The following SYNE3 variants were observed in gnomAD, a reference collection of about 807,000 sequenced individuals.
SYNE3 encodes spectrin repeat containing nuclear envelope family member 3.
SYNE3 carries 100 observed loss-of-function variants against 111.2 expected under a neutral mutation model. The observed-to-expected ratio is 0.90, with a 90% CI of 0.77 to 1.06. The LOEUF (loss-of-function observed/expected upper bound fraction) is 1.06. SYNE3 is among the 50% of genes least tolerant of loss of function. The pLI, the probability that SYNE3 is intolerant of heterozygous loss-of-function variation, is 0.00. For synonymous variants in SYNE3, 547 were observed against 533.9 expected (o/e 1.02, Z -0.34); for missense variants, 1,160 against 1,240.3 (o/e 0.94, Z 0.97).
chr14:95,455,820 C>G, intron 5 of SYNE3, 96 bp from the exon 6 acceptor site: 2 of 1,276,096 alleles, frequency 1.6e-6, no homozygotes, highest in Non-Finnish European at 2.2e-6. Flanking sequence ...CTGCAAAACA[C>G]TGATTCCTGG....
At chr14:95,491,761 A>G (rs1889861472) in intron 1 of SYNE3, among the ~76,000 whole-genome samples, 1 of 140,110 alleles carries the variant, frequency 7.1e-6, no homozygotes, top group Non-Finnish European at 1.5e-5. Flanking sequence ...TGTACTTCAA[A>G]GGCAAAAATG....
chr14:95,490,674 C>T (rs1474291423), intron 1 of SYNE3, among the ~76,000 whole-genome samples: 2 of 152,220 alleles, frequency 1.3e-5, no homozygotes, highest in Non-Finnish European at 2.9e-5. Context: ...CAAGTAAGAG[C>T]TGCTGCTGGT....
At chr14:95,487,704 TC>T in intron 1 of SYNE3, among the ~76,000 whole-genome samples, 1 of 152,054 alleles carries the variant, frequency 6.6e-6, no homozygotes, top group East Asian at 1.9e-4. Context: ...AATTCCCACC[TC>T]CCACCTACAC....
At chr14:95,490,489 A>C (rs1889795334) in intron 1 of SYNE3, among the ~76,000 whole-genome samples, 1 of 152,218 alleles carries the variant, frequency 6.6e-6, no homozygotes. Flanking sequence ...GATAGGAAAC[A>C]AGGCACAGAG....
Position 95,410,505 on chromosome 14 carries a change from G to A in SYNE3, c.*7321C>T, listed in dbSNP as rs996267229. 6.6e-6 allele frequency: 1 copy of A among 152,296 alleles called. No individual in the cohort carries two copies. Among genetic ancestry groups the A allele is most frequent in the South Asian group, 2.1e-4 (1 of 4,826 alleles). 9.4% of individuals were successfully genotyped at this position (152,296 alleles called of 1,614,324 possible). A position where few individuals can be genotyped will look rare whatever the true frequency, so the allele number is the denominator to read the frequency against. On this transcript the variant is annotated 3_prime_UTR_variant, in exon 18 of 18. Transcript: ENST00000682763. ...AGCTTCTGGGAAAGCTGCTAATGAG[G>A]AGGGCAGATTCGTCTAGTTCACTCC... is the stretch of plus-strand genomic sequence containing the variant.
Position 95,409,245 on chromosome 14 carries a change from C to T in SYNE3, c.*8581G>A, listed in dbSNP as rs571363285. On this transcript the variant is annotated 3_prime_UTR_variant, in exon 18 of 18. Transcript: ENST00000682763. Reference sequence around the variant, plus strand: ...TGGCTGCTCTGAGGCAGGCTGCTGACCCTCTCCACACTCTGGTTTCTGATC... The same window carrying T: ...TGGCTGCTCTGAGGCAGGCTGCTGATCCTCTCCACACTCTGGTTTCTGATC... 3 of 456,670 alleles carry T rather than the reference C, an allele frequency of 6.6e-6. No homozygotes were observed. In the Admixed American group the frequency reaches 7.0e-5, roughly 11 times the overall value. 28.3% of individuals were successfully genotyped at this position (456,670 alleles called of 1,614,324 possible).
At chr14:95,475,331 GC>G (rs1249680348) in intron 2 of SYNE3, among the ~76,000 whole-genome samples, 1 of 152,142 alleles carries the variant, frequency 6.6e-6, no homozygotes, top group African/African-American at 2.4e-5. Flanking sequence ...GGGGTGGGAA[GC>G]CCCCCAGCAA....
intron 9 of SYNE3, 134 bp from the exon 10 acceptor site, chr14:95,444,762 A>G (rs1886615320): frequency 8.6e-7 from 1 of 1,158,814 alleles, no homozygotes; most frequent in East Asian, 2.7e-5. Flanking sequence ...CCCCTCCAGG[A>G]AGCCTTCCCT....
At chr14:95,427,786 A>C (rs34146427) in intron 17 of SYNE3, among the ~76,000 whole-genome samples, 113,988 of 141,734 alleles carry the variant, frequency 0.8, 43,211 homozygotes, top group Non-Finnish European at 0.85. Flanking sequence ...AGTGGTCCCC[A>C]GGGCCCCAGC....
intron 1 of SYNE3, among the ~76,000 whole-genome samples, chr14:95,488,671 G>A (rs1197650532): frequency 7.1e-6 from 1 of 141,164 alleles, no homozygotes; most frequent in Non-Finnish European, 1.5e-5. Context: ...CATAAAAGAG[G>A]GGTGGGGTGG....
At chr14:95,449,079 A>G (rs569909514) in intron 8 of SYNE3, among the ~76,000 whole-genome samples, 5 of 152,304 alleles carry the variant, frequency 3.3e-5, no homozygotes, top group South Asian at 4.1e-4. Context: ...TCAGAGTTCA[A>G]TGATGCCAGA....
At chr14:95,514,957 C>T (rs184123530) in intron 1 of SYNE3, among the ~76,000 whole-genome samples, 10 of 152,306 alleles carry the variant, frequency 6.6e-5, no homozygotes, top group Middle Eastern at 3.4e-3. Flanking sequence ...GCAAAGCACC[C>T]GAGCAGGAGC....
chr14:95,423,910 A>G (rs1885291697), intron 17 of SYNE3, among the ~76,000 whole-genome samples: 1 of 47,656 alleles, frequency 2.1e-5, no homozygotes, highest in African/African-American at 7.9e-5. Context: ...TTTGATGGGG[A>G]TGAGGATTTG....
chr14:95,492,442 G>A (rs1468748950), intron 1 of SYNE3, among the ~76,000 whole-genome samples: 1 of 152,228 alleles, frequency 6.6e-6, no homozygotes, highest in Non-Finnish European at 1.5e-5. Context: ...GAAAAAGAAT[G>A]AAGTGCTGAC....
Position 95,444,501 on chromosome 14 carries a change from T to C in SYNE3, c.1760A>G (p.Gln587Arg), listed in dbSNP as rs1317831172. ...LQRDLPGKQA[Q>R]LSRLQGLQEE... ...ACCCCTCACCTGCAACCTTGAGAGC[T>C]GGGCCTGTTTTCCAGGAAGGTCCCG... Residue 587 changes from glutamine to arginine, a missense_variant, in exon 10 of 18, where the codon CAG (glutamine) becomes CGG (arginine). Physicochemically the swap from Gln to Arg is conservative, Grantham distance 43 (BLOSUM62 1). Coordinates refer to ENST00000682763, the MANE Select transcript of SYNE3 (RefSeq NM_152592.6). 2 of 1,612,028 alleles carry C rather than the reference T, an allele frequency of 1.2e-6. No homozygotes were observed. Among genetic ancestry groups the C allele is most frequent in the Admixed American group, 1.7e-5 (1 of 59,944 alleles).
chr14:95,514,256 G>A (rs770003068), intron 1 of SYNE3, among the ~76,000 whole-genome samples: 1 of 152,174 alleles, frequency 6.6e-6, no homozygotes, highest in East Asian at 1.9e-4. Context: ...TGAAGCAGAG[G>A]TCAGCTAGGC....
intron 5 of SYNE3, 97 bp from the exon 6 acceptor site, chr14:95,455,821 T>A: frequency 8.0e-7 from 1 of 1,254,022 alleles, no homozygotes; most frequent in Non-Finnish European, 1.1e-6. Flanking sequence ...TGCAAAACAC[T>A]GATTCCTGGA....
At chr14:95,428,089 C>T (rs1360806629) in intron 17 of SYNE3, among the ~76,000 whole-genome samples, 1 of 152,268 alleles carries the variant, frequency 6.6e-6, no homozygotes, top group South Asian at 2.1e-4. Context: ...ACCAAGGGAG[C>T]TGCACCTTCA....
chr14:95,431,666 C>T (rs2139370921), intron 17 of SYNE3, among the ~76,000 whole-genome samples: 1 of 152,350 alleles, frequency 6.6e-6, no homozygotes, highest in Middle Eastern at 3.4e-3. Context: ...GCCCCATAGA[C>T]TCTCCATCAC....
Sources: allele counts gnomAD v4.1 joint callset (sites outside exome capture counted in the v4.1 genomes callset), GRCh38; gene constraint gnomAD v4.1.1; transcripts MANE v1.5; gene names NCBI Gene and HGNC (gene_info 2026-07-23, HGNC 2026-07-21).